The following TPD52L1 variants were observed in gnomAD, a reference collection of about 807,000 sequenced individuals.
The protein encoded by TPD52L1 is tumor protein D53.
Under a neutral mutation model 28.7 loss-of-function variants are expected in TPD52L1, and 18 were observed. That is an observed-to-expected ratio of 0.63 (90% CI 0.43 to 0.93). TPD52L1 has a LOEUF of 0.93. Ranked by LOEUF, TPD52L1 falls within the 40% of genes least tolerant of loss-of-function variation. The pLI is 0.00. For synonymous variants in TPD52L1, 75 were observed against 88.8 expected, an observed-to-expected ratio of 0.84 and a Z score of 0.88; for missense variants, 203 against 254.8, an observed-to-expected ratio of 0.80 and a Z score of 1.39.
chr6:125,237,510 T>A (rs1796339412), intron 3 of TPD52L1, among the ~76,000 whole-genome samples: 2 of 152,194 alleles, frequency 1.3e-5, no homozygotes, highest in Non-Finnish European at 1.5e-5. Flanking sequence ...TTCAATAGAT[T>A]GTTCTATTTT....
chr6:125,163,913 T>C, intron 1 of TPD52L1, among the ~76,000 whole-genome samples: 1 of 135,782 alleles, frequency 7.4e-6, no homozygotes, highest in South Asian at 2.3e-4. Context: ...TGACACTCTG[T>C]CTCAAAAAAA....
At chr6:125,227,191 C>T (rs1049308946) in intron 2 of TPD52L1, among the ~76,000 whole-genome samples, 2 of 152,152 alleles carry the variant, frequency 1.3e-5, no homozygotes, top group African/African-American at 2.4e-5. Context: ...ATATTAAAAA[C>T]CCCAAGATAT....
chr6:125,180,335 C>T (rs968634357), intron 1 of TPD52L1, among the ~76,000 whole-genome samples: 1 of 152,152 alleles, frequency 6.6e-6, no homozygotes, highest in Non-Finnish European at 1.5e-5. Flanking sequence ...CGTACTATTA[C>T]ATTTTCACAG....
At chr6:125,256,910 G>T (rs193019629) in intron 5 of TPD52L1, among the ~76,000 whole-genome samples, 188 bp from the exon 6 acceptor site, 1 of 152,334 alleles carries the variant, frequency 6.6e-6, no homozygotes, top group East Asian at 1.9e-4. Flanking sequence ...TTCCATGTCA[G>T]GTTATGGTTT....
chr6:125,258,827 A>G (rs1797750799), intron 6 of TPD52L1, among the ~76,000 whole-genome samples: 1 of 152,066 alleles, frequency 6.6e-6, no homozygotes, highest in Admixed American at 6.6e-5. Flanking sequence ...AAGTGATTCT[A>G]TGCTTGTATG....
intron 1 of TPD52L1, among the ~76,000 whole-genome samples, chr6:125,194,148 T>C (rs368520366): frequency 1.3e-5 from 2 of 152,250 alleles, no homozygotes; most frequent in South Asian, 4.1e-4. Context: ...GTTTTTGTTT[T>C]ACTTAATTAT....
At chr6:125,254,617 ATGT>A (rs1224311418) in intron 5 of TPD52L1, among the ~76,000 whole-genome samples, 1 of 151,898 alleles carries the variant, frequency 6.6e-6, no homozygotes, top group East Asian at 1.9e-4. Flanking sequence ...CTTTATATTG[ATGT>A]TGTTGTTTGA....
intron 1 of TPD52L1, among the ~76,000 whole-genome samples, chr6:125,177,233 C>T (rs1009237719): frequency 6.6e-6 from 1 of 152,100 alleles, no homozygotes; most frequent in Non-Finnish European, 1.5e-5. Context: ...AACCCGTTTT[C>T]TACGTTCCCT....
chr6:125,255,092 T>C (rs1182924943), intron 5 of TPD52L1, among the ~76,000 whole-genome samples: 1 of 152,178 alleles, frequency 6.6e-6, no homozygotes, highest in East Asian at 1.9e-4. Context: ...TAAGGCTCTG[T>C]TCCCCTTTAC....
At chr6:125,260,253 A>T (rs1296085301) in intron 6 of TPD52L1, 1 of 152,228 alleles carries the variant, frequency 6.6e-6, no homozygotes, top group Non-Finnish European at 1.5e-5. Flanking sequence ...AAATAAGCAT[A>T]GTGAAAAATC....
chr6:125,201,577 C>G (rs184528990), intron 1 of TPD52L1, among the ~76,000 whole-genome samples: 2 of 152,182 alleles, frequency 1.3e-5, no homozygotes, highest in Admixed American at 1.3e-4. Context: ...AGTGCAAAAG[C>G]CAACAATGTG....
At chr6:125,182,558 C>G (rs1792277109) in intron 1 of TPD52L1, among the ~76,000 whole-genome samples, 1 of 152,078 alleles carries the variant, frequency 6.6e-6, no homozygotes, top group Non-Finnish European at 1.5e-5. Flanking sequence ...TTGGGTACAG[C>G]TTCTTAAAGT....
chr6:125,220,265 AATTGTAATGATGTTGT>A (rs1283877209), intron 2 of TPD52L1, 72 bp downstream of exon 2: 6 of 955,730 alleles, frequency 6.3e-6, no homozygotes, highest in East Asian at 2.5e-5. Context: ...TTGATATAAT[AATTGTAATGATGTTGT>A]ATTGTAATGA....
At chr6:125,249,662 A>G in intron 4 of TPD52L1, among the ~76,000 whole-genome samples, 1 of 147,634 alleles carries the variant, frequency 6.8e-6, no homozygotes, top group Non-Finnish European at 1.5e-5. Context: ...ACTGCACTCC[A>G]GCCTAGGCAA....
At position 125,181,783 on chromosome 6, in the gene TPD52L1, A is replaced by G. The variant is rs75014901; in HGVS notation, c.19+27813A>G. On this transcript the variant is annotated intron_variant, in intron 1 of 6. Coordinates refer to ENST00000534000, the MANE Select transcript of TPD52L1 (RefSeq NM_003287.4). Reference sequence around the variant, plus strand: ...TACATTGGCGTGGTGCAAGCCATAGATCTTTGGACATATTGTCTTCTCCCA... The same window carrying G: ...TACATTGGCGTGGTGCAAGCCATAGGTCTTTGGACATATTGTCTTCTCCCA... Among the ~76,000 whole-genome samples the G allele has an allele frequency of 4.0e-4, 61 of 152,314 alleles. 1 individual carries two copies. In the East Asian group the frequency reaches 9.7e-3, roughly 24 times the overall value.
chr6:125,258,595 T>C (rs1171523909), intron 6 of TPD52L1, among the ~76,000 whole-genome samples: 2 of 152,160 alleles, frequency 1.3e-5, no homozygotes, highest in African/African-American at 4.8e-5. Flanking sequence ...AAGAAGGAGA[T>C]ATGAAGAAGC....
chr6:125,170,796 G>A (rs988776304), intron 1 of TPD52L1, among the ~76,000 whole-genome samples: 3 of 152,146 alleles, frequency 2.0e-5, no homozygotes, highest in African/African-American at 7.2e-5. Context: ...GTTTTAGAGA[G>A]CCCCACTTTA....
chr6:125,244,319 G>A (rs1796793222), intron 3 of TPD52L1, among the ~76,000 whole-genome samples: 1 of 152,162 alleles, frequency 6.6e-6, no homozygotes. Flanking sequence ...CACTGGTTGT[G>A]GCTAAGGCAG....
chr6:125,200,477 T>A (rs1033294329), intron 1 of TPD52L1, among the ~76,000 whole-genome samples: 6 of 152,154 alleles, frequency 3.9e-5, no homozygotes, highest in Admixed American at 1.3e-4. Flanking sequence ...ATACAAATTT[T>A]AAAAAAATTA....
Sources: allele counts gnomAD v4.1 joint callset (sites outside exome capture counted in the v4.1 genomes callset), GRCh38; gene constraint gnomAD v4.1.1; transcripts MANE v1.5; gene names NCBI Gene and HGNC (gene_info 2026-07-23, HGNC 2026-07-21).